ENTREP1: variants seen among roughly 807,000 people sequenced by gnomAD.
ENTREP1 encodes Friedreich ataxia region gene X123.
the ENTREP1 span, among the ~76,000 whole-genome samples, chr9:69,343,445 A>AT: frequency 2.0e-5 from 3 of 152,048 alleles, no homozygotes; most frequent in Admixed American, 2.0e-4. Flanking sequence ...CTGCTGGATG[A>AT]TTGTTTTTTT....
At chr9:69,338,337 T>C in the ENTREP1 span, among the ~76,000 whole-genome samples, 2 of 152,318 alleles carry the variant, frequency 1.3e-5, no homozygotes, top group East Asian at 3.9e-4. Flanking sequence ...CACTGTCTTT[T>C]TCCATTGAGT....
the ENTREP1 span, chr9:69,377,355 G>A: frequency 6.6e-7 from 1 of 1,514,196 alleles, no homozygotes; most frequent in Non-Finnish European, 9.2e-7. Context: ...TGGTGCCATT[G>A]TTTCCTTGCC....
At chr9:69,366,384 G>GTTTTTTTTTTTTTTTTTTTTTT in the ENTREP1 span, among the ~76,000 whole-genome samples, 1 of 122,992 alleles carries the variant, frequency 8.1e-6, no homozygotes, top group African/African-American at 2.9e-5. Flanking sequence ...TTCCAACTGG[G>GTTTTTTTTTTTTTTTTTTTTTT]GTTTTTTTTT....
the ENTREP1 span, chr9:69,380,447 T>G: frequency 2.0e-5 from 3 of 152,228 alleles, no homozygotes; most frequent in Admixed American, 6.5e-5. Flanking sequence ...CAACAGAGGC[T>G]CCCCATTTCC....
At chr9:69,372,717 G>A in the ENTREP1 span, among the ~76,000 whole-genome samples, 26 of 152,192 alleles carry the variant, frequency 1.7e-4, 1 homozygote, top group East Asian at 3.9e-3. Context: ...TGATCATTTG[G>A]TAATTCTATT....
the ENTREP1 span, chr9:69,383,511 G>A: frequency 6.5e-7 from 1 of 1,535,736 alleles, no homozygotes; most frequent in African/African-American, 1.4e-5. Flanking sequence ...AGGAGACCAT[G>A]GTATGGAGAG....
chr9:69,383,865 C>T, the ENTREP1 span: 2 of 1,575,756 alleles, frequency 1.3e-6, no homozygotes, highest in Non-Finnish European at 1.7e-6. Flanking sequence ...GGGCCCCACA[C>T]ATCTTTTTAA....
the ENTREP1 span, among the ~76,000 whole-genome samples, chr9:69,334,759 C>T: frequency 6.7e-6 from 1 of 149,446 alleles, no homozygotes; most frequent in African/African-American, 2.5e-5. Flanking sequence ...AAATAGTGGC[C>T]CTTTCCTTTC....
the ENTREP1 span, chr9:69,371,613 A>C: frequency 6.3e-7 from 1 of 1,590,260 alleles, no homozygotes; most frequent in Non-Finnish European, 8.6e-7. Flanking sequence ...TGATCTGGTA[A>C]GCAGTCCTAA....
the ENTREP1 span, among the ~76,000 whole-genome samples, chr9:69,343,592 G>A: frequency 6.6e-6 from 1 of 152,182 alleles, no homozygotes; most frequent in South Asian, 2.1e-4. Context: ...TGTTGAAAAG[G>A]TAGTAATTAG....
chr9:69,368,264 T>C, the ENTREP1 span, among the ~76,000 whole-genome samples: 1 of 152,170 alleles, frequency 6.6e-6, no homozygotes, highest in Non-Finnish European at 1.5e-5. Flanking sequence ...GGCATCCTTG[T>C]CTTGTTCCAG....
chr9:69,352,748 A>G, the ENTREP1 span, among the ~76,000 whole-genome samples: 1 of 152,120 alleles, frequency 6.6e-6, no homozygotes, highest in Non-Finnish European at 1.5e-5. Flanking sequence ...GCTGTCTGAG[A>G]GCTCTGTGCA....
At chr9:69,376,054 G>C in the ENTREP1 span, among the ~76,000 whole-genome samples, 1 of 152,168 alleles carries the variant, frequency 6.6e-6, no homozygotes, top group Non-Finnish European at 1.5e-5. Context: ...GTTAAATTAT[G>C]TATGGACAGC....
the ENTREP1 span, among the ~76,000 whole-genome samples, chr9:69,364,751 A>T: frequency 6.6e-6 from 1 of 152,222 alleles, no homozygotes; most frequent in Non-Finnish European, 1.5e-5. Flanking sequence ...CATTTGGCTA[A>T]GTTTGACCAG....
chr9:69,364,786 TC>T, the ENTREP1 span, among the ~76,000 whole-genome samples: 1 of 152,204 alleles, frequency 6.6e-6, no homozygotes, highest in Admixed American at 6.5e-5. Flanking sequence ...AATAGTAAAG[TC>T]ATATGCCGGA....
chr9:69,367,601 A>T, the ENTREP1 span, among the ~76,000 whole-genome samples: 4 of 142,026 alleles, frequency 2.8e-5, no homozygotes, highest in East Asian at 2.0e-4. Context: ...TGGGTGTTTT[A>T]TATATATATA....
chr9:69,372,787 C>T, the ENTREP1 span, among the ~76,000 whole-genome samples: 1 of 151,792 alleles, frequency 6.6e-6, no homozygotes, highest in Admixed American at 6.6e-5. Context: ...TTTAATATTT[C>T]CATCAACAGT....
At chr9:69,325,196 G>A in the ENTREP1 span, 1 of 1,021,850 alleles carries the variant, frequency 9.8e-7, no homozygotes, top group Non-Finnish European at 1.2e-6. Flanking sequence ...CCTCCCCCTC[G>A]GCCTCGGAGC....
the ENTREP1 span, among the ~76,000 whole-genome samples, chr9:69,372,030 T>C: frequency 6.6e-6 from 1 of 152,198 alleles, no homozygotes; most frequent in Non-Finnish European, 1.5e-5. Flanking sequence ...AGATTAAATA[T>C]TTTGCATATA....
Sources: allele counts gnomAD v4.1 joint callset (sites outside exome capture counted in the v4.1 genomes callset), GRCh38; gene constraint gnomAD v4.1.1; transcripts MANE v1.5; gene names NCBI Gene and HGNC (gene_info 2026-07-23, HGNC 2026-07-21).